Variants in LRRK1 observed in about 807,000 individuals in gnomAD.
LRRK1 encodes the protein leucine-rich repeat serine/threonine-protein kinase 1.
In LRRK1, 113 loss-of-function variants were observed where a neutral mutation model predicts 209.1. The observed-to-expected ratio is 0.54, with a 90% CI of 0.46 to 0.63. The LOEUF is 0.63. Among genes scored for constraint, LRRK1 ranks in the 30% least tolerant of loss-of-function variants. LRRK1 has a pLI of 0.00. For synonymous variants in LRRK1, 1,144 were observed against 1,099.7 expected, an observed-to-expected ratio of 1.04 and a Z score of -0.80; for missense variants, 2,284 against 2,632.2, an observed-to-expected ratio of 0.87 and a Z score of 2.89.
intron 31 of LRRK1, chr15:101,064,886 T>A: frequency 7.2e-6 from 1 of 138,926 alleles, no homozygotes; most frequent in Non-Finnish European, 1.6e-5. Flanking sequence ...GTGGGGGGGG[T>A]GGCAGGCAGG....
rs1412669248 is a variant in LRRK1 at position 101,028,988 on chromosome 15, C to A, written c.2719C>A (p.Leu907Ile). 6.2e-7 allele frequency: 1 copy of A among 1,614,086 alleles called. No individual in the cohort carries two copies. The highest frequency in any genetic ancestry group is 8.5e-7 in the Non-Finnish European group (1 of 1,180,038). Residue 907 changes from leucine to isoleucine, a missense_variant, in exon 20 of 34, where the codon CTC becomes ATC. Physicochemically the swap from Leu to Ile is conservative, Grantham distance 5 (BLOSUM62 2). Coordinates refer to ENST00000388948, the MANE Select transcript of LRRK1 (RefSeq NM_024652.6). ...CTTCCTCATAGAAACCGGCACCCTG[C>A]TCCATTTCCCGGACACCAGCCACGG... ...ISFLIETGTL[L>I]HFPDTSHGLR...
chr15:100,965,460 A>G (rs1308160148), intron 2 of LRRK1, among the ~76,000 whole-genome samples: 1 of 152,232 alleles, frequency 6.6e-6, no homozygotes, highest in African/African-American at 2.4e-5. Flanking sequence ...CTTACCATCC[A>G]TGGCCGGCAC....
chr15:101,062,027 T>A (rs1411240194), intron 30 of LRRK1, among the ~76,000 whole-genome samples: 1 of 152,224 alleles, frequency 6.6e-6, no homozygotes, highest in Non-Finnish European at 1.5e-5. Flanking sequence ...AAGAAACATC[T>A]GACAACAGAT....
At chr15:100,973,522 G>A (rs1410946025) in intron 2 of LRRK1, among the ~76,000 whole-genome samples, 1 of 152,102 alleles carries the variant, frequency 6.6e-6, no homozygotes, top group African/African-American at 2.4e-5. Flanking sequence ...GCTCCCCCGC[G>A]GGCCGCTGTC....
chr15:101,038,948 C>T (rs923442606), intron 20 of LRRK1, among the ~76,000 whole-genome samples: 1 of 152,162 alleles, frequency 6.6e-6, no homozygotes, highest in African/African-American at 2.4e-5. Context: ...TTTCAAAGTC[C>T]ATAACTTAAT....
At chr15:101,051,984 G>A (rs1479962720) in intron 24 of LRRK1, 24 bp downstream of exon 24, 1 of 1,608,080 alleles carries the variant, frequency 6.2e-7, no homozygotes, top group South Asian at 1.1e-5. Context: ...GCCCCTCCCA[G>A]AACACAGTGC....
intron 9 of LRRK1, among the ~76,000 whole-genome samples, chr15:101,011,216 C>T (rs2141694428): frequency 6.6e-6 from 1 of 152,084 alleles, no homozygotes; most frequent in Non-Finnish European, 1.5e-5. Context: ...TGCCTGTAAT[C>T]CCAGCACTTT....
chr15:101,054,986 A>T lies in LRRK1; in HGVS notation c.4095A>T (p.Lys1365Asn). 1 of 1,613,756 alleles carries T rather than the reference A, an allele frequency of 6.2e-7. No individual in the cohort carries two copies. The highest frequency in any genetic ancestry group is 8.5e-7 in the Non-Finnish European group (1 of 1,179,904). ...FIPLGHMLTQ[K>N]IAYQIASGLA... is the part of the protein sequence containing the mutation. ...CCCTGGGACACATGCTCACCCAAAA[A>T]ATAGCCTACCAGATCGCCTCGGGCC... is the stretch of plus-strand genomic sequence containing the variant. Residue 1365 changes from lysine (K) to asparagine (N), a missense_variant, in exon 27 of 34, where the codon AAA becomes AAT. Physicochemically the swap from Lys to Asn is moderately conservative, Grantham distance 94. This residue lies in a region of LRRK1 where 780 missense variants were observed against 985.2 expected (regional missense o/e 0.79). Transcript: ENST00000388948.
rs757048783 is a variant in LRRK1 at position 101,066,640 on chromosome 15, G to A, written c.5769G>A (p.Arg1923=). The change falls in exon 33 of 34, where the codon AGG becomes AGA. Residue 1923 remains arginine (R), a splice_region_variant and synonymous_variant. Coordinates refer to ENST00000388948, the MANE Select transcript of LRRK1 (RefSeq NM_024652.6). ...LAVRDLIWVP[R]RGGDVIVIGL... is the part of the protein sequence containing the mutation. ...CCCCTTCTGGGTTTTGGTTGCTTAG[G>A]CGCGGTGGAGATGTTATCGTCATTG... is the stretch of plus-strand genomic sequence containing the variant. 4.3e-6 allele frequency: 7 copies of A among 1,614,120 alleles called. No individual in the cohort carries two copies. Among genetic ancestry groups the A allele is most frequent in the Non-Finnish European group, 5.9e-6 (7 of 1,179,936 alleles).
chr15:100,935,389 A>G (rs1455023156), intron 2 of LRRK1, among the ~76,000 whole-genome samples: 1 of 152,210 alleles, frequency 6.6e-6, no homozygotes, highest in African/African-American at 2.4e-5. Flanking sequence ...CAGTGAGTGC[A>G]AAGGCTGGGC....
chr15:101,011,245 G>T (rs1284372944), intron 9 of LRRK1, among the ~76,000 whole-genome samples: 1 of 151,790 alleles, frequency 6.6e-6, no homozygotes, highest in Non-Finnish European at 1.5e-5. Flanking sequence ...AAGGTAGGTG[G>T]ATCACAAGGT....
chr15:101,026,474 T>A (rs780692737), intron 17 of LRRK1, among the ~76,000 whole-genome samples: 1 of 152,244 alleles, frequency 6.6e-6, no homozygotes, highest in Non-Finnish European at 1.5e-5. Context: ...TGATCACTGA[T>A]CAAGGACAGA....
chr15:100,941,458 A>C (rs373127440), intron 2 of LRRK1, among the ~76,000 whole-genome samples: 7 of 45,868 alleles, frequency 1.5e-4, no homozygotes, highest in Admixed American at 2.6e-4. Context: ...GTGTGTGTCT[A>C]TGTCTCTGTG....
intron 12 of LRRK1, among the ~76,000 whole-genome samples, chr15:101,019,233 GC>G (rs143994823): frequency 3.9e-5 from 6 of 152,298 alleles, no homozygotes; most frequent in African/African-American, 1.4e-4. Flanking sequence ...AAACACCGTA[GC>G]GAAACTTTAA....
At chr15:100,974,006 CCGG>C in intron 3 of LRRK1, 39 bp downstream of exon 3, 2 of 1,241,084 alleles carry the variant, frequency 1.6e-6, no homozygotes, top group East Asian at 6.3e-5. Flanking sequence ...CCATGCAGCC[CCGG>C]GCTGGACGAA....
At chr15:101,032,093 G>A (rs1252834167) in intron 20 of LRRK1, among the ~76,000 whole-genome samples, 2 of 152,176 alleles carry the variant, frequency 1.3e-5, no homozygotes, top group African/African-American at 4.8e-5. Context: ...GTGGATGTGA[G>A]CTTGTACTTG....
In LRRK1 at chr15:101,027,350, C is replaced by CCAT. The variant is rs1478158973; in HGVS notation, c.2497_2499dup (p.Ile833dup). 1 of 1,613,782 alleles carries CCAT rather than the reference C, an allele frequency of 6.2e-7. No homozygotes were observed. Among genetic ancestry groups the CCAT allele is most frequent in the African/African-American group, 1.3e-5 (1 of 74,934 alleles). ...TGCAGCATGAAGGACGTGGGCAGCA[C>CCAT]CATCGGCTGCCAGCGACTGGCAGGG... On this transcript the variant is annotated inframe_insertion, in exon 18 of 34. Transcript: ENST00000388948. This position sits in a 1 kb window ranked among gnomAD's most constrained non-coding sequence, Gnocchi z 5.1.
At position 100,988,527 on chromosome 15, in the gene LRRK1, T is replaced by C. The variant is rs1596241408; in HGVS notation, c.434-107T>C. ...TATTCCATGGTGCAAATGTACCACA[T>C]TTTATTTAACCAGTCCATTGCTACT... On this transcript the variant is annotated intron_variant, in intron 4 of 33. Transcript: ENST00000388948. 12 of 1,026,622 alleles carry C rather than the reference T, an allele frequency of 1.2e-5. No homozygotes were observed. The East Asian group carries it at 2.9e-4, about 24-fold the overall frequency. The allele number at this position is 1,026,622 out of a possible 1,614,324, so 63.6% of individuals were successfully genotyped here.
Position 100,919,372 on chromosome 15 carries a change from G to C in LRRK1, c.-202G>C, listed in dbSNP as rs1166666576. On this transcript the variant is annotated 5_prime_UTR_variant, in exon 1 of 34. Transcript: ENST00000388948. The surrounding 1 kb of genome is among the most constrained non-coding windows in gnomAD (Gnocchi z 5.8). ...CGCGGGGGGCAGACGGCGGTGGGAC[G>C]GCCAGGCCCCGGCCCCGCCAGTGTG... The C allele has an allele frequency of 1.3e-5, 2 of 149,796 alleles. No individual in the cohort carries two copies. Among genetic ancestry groups the C allele is most frequent in the Non-Finnish European group, 3.0e-5 (2 of 66,908 alleles). The allele number at this position is 149,796 out of a possible 1,614,324, so 9.3% of individuals were successfully genotyped here.
Sources: allele counts gnomAD v4.1 joint callset (sites outside exome capture counted in the v4.1 genomes callset), GRCh38; gene constraint gnomAD v4.1.1; regional missense constraint gnomAD v4.1.1; non-coding constraint Gnocchi (gnomAD v3.1); transcripts MANE v1.5; gene names NCBI Gene and HGNC (gene_info 2026-07-23, HGNC 2026-07-21).